Variants in SLC24A3 observed in about 807,000 individuals in gnomAD.
SLC24A3 encodes the protein sodium/potassium/calcium exchanger 3.
A neutral mutation model predicts 75.8 loss-of-function variants in SLC24A3; 28 were observed. The ratio of observed to expected loss-of-function variants is 0.37; its 90% confidence interval spans 0.27 to 0.51. The LOEUF is 0.51. SLC24A3 is among the 20% of genes least tolerant of loss of function. SLC24A3 has a pLI of 0.94. For missense variants in SLC24A3, 663 were observed against 847.8 expected (o/e 0.78, Z 2.71); for synonymous variants, 372 against 334.1 (o/e 1.11, Z -1.24).
Position 19,325,795 on chromosome 20 carries a change from TAGAGAGAGAG to T in SLC24A3, c.271+44743_271+44752del, listed in dbSNP as rs745745496. Among the ~76,000 whole-genome samples the T allele has an allele frequency of 1.5e-3, 105 of 67,770 alleles. 1 individual carries two copies. The highest frequency in any genetic ancestry group is 0.014 in the South Asian group (22 of 1,580). The allele number at this position is 67,770 out of a possible 152,430, so 44.5% of individuals were successfully genotyped here. On this transcript the variant is annotated intron_variant, in intron 2 of 16. Coordinates refer to ENST00000328041, the MANE Select transcript of SLC24A3 (RefSeq NM_020689.4). ...ATATATACATATATATATATATATA[TAGAGAGAGAG>T]AGAGAGAGAGAGAGAGAGAGAGAGA...
At chr20:19,526,654 A>G (rs2030203828) in intron 3 of SLC24A3, among the ~76,000 whole-genome samples, 1 of 151,976 alleles carries the variant, frequency 6.6e-6, no homozygotes, top group South Asian at 2.1e-4. Flanking sequence ...CATCTCCCCC[A>G]CTATCAGAGG....
chr20:19,683,787 A>C (rs779959870), intron 10 of SLC24A3, among the ~76,000 whole-genome samples: 2 of 152,224 alleles, frequency 1.3e-5, no homozygotes, highest in Non-Finnish European at 2.9e-5. Context: ...TCAGTGAATG[A>C]GGCTTAAATT....
At chr20:19,580,889 T>A (rs2031209487) in intron 4 of SLC24A3, among the ~76,000 whole-genome samples, 1 of 152,218 alleles carries the variant, frequency 6.6e-6, no homozygotes, top group African/African-American at 2.4e-5. Flanking sequence ...TGTCTTCCCT[T>A]TCCTTCTCTC....
chr20:19,382,254 C>T (rs185720285), intron 2 of SLC24A3, among the ~76,000 whole-genome samples: 5 of 152,068 alleles, frequency 3.3e-5, no homozygotes, highest in African/African-American at 7.2e-5. Flanking sequence ...TATCTGTGGG[C>T]GGAAATGCAA....
chr20:19,391,988 T>C (rs1986374167), intron 2 of SLC24A3, among the ~76,000 whole-genome samples: 1 of 152,218 alleles, frequency 6.6e-6, no homozygotes, highest in Admixed American at 6.5e-5. Context: ...CAGATGACCC[T>C]TCGCTTATTG....
Position 19,616,256 on chromosome 20 carries a change from C to G in SLC24A3, c.612+30712C>G, listed in dbSNP as rs574139520. ...GAAGGGTGTGATGTGGGCGAGGTAG[C>G]TCTCTGCAGCTGAGGCTGACCCAGC... On this transcript the variant is annotated intron_variant, in intron 6 of 16. Transcript: ENST00000328041. Among the ~76,000 whole-genome samples the G allele has an allele frequency of 5.3e-5, 8 of 152,314 alleles. No individual in the cohort carries two copies. The East Asian group carries it at 1.5e-3, about 29-fold the overall frequency.
chr20:19,447,128 G>C (rs932930240), intron 2 of SLC24A3, among the ~76,000 whole-genome samples: 2 of 152,158 alleles, frequency 1.3e-5, no homozygotes, highest in Admixed American at 6.5e-5. Context: ...CTGTGACCTT[G>C]ACCAAATTCA....
intron 2 of SLC24A3, among the ~76,000 whole-genome samples, chr20:19,329,303 GA>G (rs954287180): frequency 1.4e-4 from 22 of 152,078 alleles, no homozygotes; most frequent in African/African-American, 5.1e-4. Context: ...TTATGCTAAT[GA>G]AATGGTTTCC....
At chr20:19,476,849 C>G (rs2122513762) in intron 2 of SLC24A3, among the ~76,000 whole-genome samples, 1 of 152,234 alleles carries the variant, frequency 6.6e-6, no homozygotes, top group African/African-American at 2.4e-5. Context: ...ACAGCAATGC[C>G]TGCTTGCTCA....
chr20:19,514,580 C>T (rs2029947346), intron 2 of SLC24A3, among the ~76,000 whole-genome samples: 1 of 152,172 alleles, frequency 6.6e-6, no homozygotes. Flanking sequence ...TGGGCACATC[C>T]TCCAGCAAAG....
rs76601275 is a variant in SLC24A3 at position 19,426,086 on chromosome 20, G to T, written c.272-89402G>T. Among the ~76,000 whole-genome samples, 27 of 152,256 alleles carry T rather than the reference G, an allele frequency of 1.8e-4. No homozygotes were observed. The East Asian group carries it at 5.2e-3, about 29-fold the overall frequency. On this transcript the variant is annotated intron_variant, in intron 2 of 16. Coordinates refer to ENST00000328041, the MANE Select transcript of SLC24A3 (RefSeq NM_020689.4). ...ATCGCTGCTTCTAGGCCCTTCAAGT[G>T]GAAAGTGCTTAGAAATGTGTATTTT...
rs568764303 is a variant in SLC24A3, at chr20:19,382,028, A to T, written c.271+100941A>T. 6.6e-5 allele frequency among the ~76,000 whole-genome samples: 10 copies of T among 152,310 alleles called. No individual in the cohort carries two copies. In the East Asian group the frequency reaches 9.6e-4, roughly 15 times the overall value. On this transcript the variant is annotated intron_variant, in intron 2 of 16. Coordinates refer to ENST00000328041, the MANE Select transcript of SLC24A3 (RefSeq NM_020689.4). ...ATGTCTGCTCTGAATTCGACAGATG[A>T]TGTTCTCTGCCACCGGCATCCTTTC...
At chr20:19,257,699 C>A (rs1482872706) in intron 1 of SLC24A3, 2 of 152,228 alleles carry the variant, frequency 1.3e-5, no homozygotes, top group African/African-American at 4.8e-5. Context: ...TTGACTCCTG[C>A]AAGAACCAGA....
At chr20:19,685,525 T>G (rs1020830752) in intron 12 of SLC24A3, among the ~76,000 whole-genome samples, 164 bp downstream of exon 12, 1 of 152,150 alleles carries the variant, frequency 6.6e-6, no homozygotes, top group Non-Finnish European at 1.5e-5. Flanking sequence ...GTTGTAGAAG[T>G]TCAAAGATGG....
chr20:19,626,291 A>G (rs1184528334), intron 6 of SLC24A3, among the ~76,000 whole-genome samples: 2 of 152,176 alleles, frequency 1.3e-5, no homozygotes, highest in Non-Finnish European at 2.9e-5. Flanking sequence ...TGAGGCTCAG[A>G]TCAGGGAAGT....
At chr20:19,304,457 C>T (rs1049533350) in intron 2 of SLC24A3, among the ~76,000 whole-genome samples, 4 of 152,138 alleles carry the variant, frequency 2.6e-5, no homozygotes, top group African/African-American at 7.2e-5. Context: ...CCTTCCAAGA[C>T]GTTCCATCTC....
intron 3 of SLC24A3, 147 bp downstream of exon 3, chr20:19,515,711 G>A: frequency 2.8e-6 from 2 of 717,878 alleles, no homozygotes; most frequent in South Asian, 1.8e-5. Flanking sequence ...TCTGTAGGGG[G>A]CCATCACCAA....
intron 3 of SLC24A3, among the ~76,000 whole-genome samples, chr20:19,575,217 A>C (rs1466331196): frequency 6.9e-6 from 1 of 144,902 alleles, no homozygotes; most frequent in Non-Finnish European, 1.5e-5. Context: ...GCACTGCATC[A>C]CTATACTCCA....
intron 2 of SLC24A3, among the ~76,000 whole-genome samples, chr20:19,299,434 G>A (rs535583491): frequency 7.2e-4 from 110 of 152,130 alleles, no homozygotes; most frequent in African/African-American, 2.5e-3. Flanking sequence ...TACTGCCTCC[G>A]TCCATGTGTC....
Sources: gnomAD v4.1 joint callset for allele counts (sites outside exome capture counted in the v4.1 genomes callset) on GRCh38, gnomAD v4.1.1 for gene constraint, MANE v1.5 for transcripts, NCBI Gene and HGNC (gene_info 2026-07-23, HGNC 2026-07-21) for gene names.